The following MACROD2 variants were observed in gnomAD, a reference collection of about 807,000 sequenced individuals.
MACROD2 encodes ADP-ribose glycohydrolase MACROD2.
MACROD2 carries 36 observed loss-of-function variants against 70.4 expected under a neutral mutation model. That is an observed-to-expected ratio of 0.51 (90% CI 0.39 to 0.68). MACROD2 has a LOEUF of 0.68. Among genes scored for constraint, MACROD2 ranks in the 30% least tolerant of loss-of-function variants. The pLI is 0.00. For missense variants in MACROD2, 496 were observed against 538.4 expected (o/e 0.92, Z 0.78); for synonymous variants, 172 against 178.8 (o/e 0.96, Z 0.30).
At position 15,371,221 on chromosome 20, in the gene MACROD2, G is replaced by T. The variant is rs187511111; in HGVS notation, c.541-60184G>T. 5.6e-3 allele frequency among the ~76,000 whole-genome samples: 851 copies of T among 152,228 alleles called. 9 individuals are homozygous for T. Among genetic ancestry groups the T allele is most frequent in the African/African-American group, 0.019 (795 of 41,568 alleles). ...TTGGAAACCTGAGCAGAATAAGATA[G>T]TTTGATGATTGGCTGGGCTCTTCAT... On this transcript the variant is annotated intron_variant, in intron 6 of 17. Coordinates refer to ENST00000684519, the MANE Select transcript of MACROD2 (RefSeq NM_001351661.2).
chr20:15,777,696 G>C (rs1012053405), intron 8 of MACROD2, among the ~76,000 whole-genome samples: 6 of 148,110 alleles, frequency 4.1e-5, no homozygotes, highest in Admixed American at 3.4e-4. Flanking sequence ...CCAGACTGGA[G>C]TGCAGTGGCA....
At chr20:15,526,689 A>G (rs1369736605) in intron 8 of MACROD2, among the ~76,000 whole-genome samples, 3 of 152,244 alleles carry the variant, frequency 2.0e-5, no homozygotes, top group Non-Finnish European at 1.5e-5. Flanking sequence ...TTAGCCAGCA[A>G]CACATAGTTA....
chr20:14,365,021 T>G (rs1249468763), intron 3 of MACROD2, among the ~76,000 whole-genome samples: 1 of 152,194 alleles, frequency 6.6e-6, no homozygotes, highest in Non-Finnish European at 1.5e-5. Context: ...TGCTGTTTCT[T>G]GAAAGAGGTT....
At chr20:15,653,876 G>C (rs768385522) in intron 8 of MACROD2, among the ~76,000 whole-genome samples, 63 of 152,122 alleles carry the variant, frequency 4.1e-4, no homozygotes, top group Non-Finnish European at 6.6e-4. Context: ...TGAGAATTAG[G>C]GGCTGGAATT....
chr20:15,837,947 G>C (rs1459923043), intron 8 of MACROD2, among the ~76,000 whole-genome samples: 1 of 152,148 alleles, frequency 6.6e-6, no homozygotes, highest in African/African-American at 2.4e-5. Flanking sequence ...AAAATCATCA[G>C]CCAGCGAACT....
intron 3 of MACROD2, among the ~76,000 whole-genome samples, chr20:14,309,069 T>C (rs1429880947): frequency 6.6e-6 from 1 of 152,168 alleles, no homozygotes; most frequent in Non-Finnish European, 1.5e-5. Flanking sequence ...GAAGCTGTTA[T>C]TATCATCACT....
intron 8 of MACROD2, among the ~76,000 whole-genome samples, chr20:15,509,050 G>A (rs1413227375): frequency 6.6e-6 from 1 of 152,148 alleles, no homozygotes; most frequent in African/African-American, 2.4e-5. Flanking sequence ...TTTCAAAAGT[G>A]TATGCTTTAA....
At chr20:15,929,594 G>A (rs1601153795) in intron 10 of MACROD2, among the ~76,000 whole-genome samples, 1 of 152,170 alleles carries the variant, frequency 6.6e-6, no homozygotes, top group African/African-American at 2.4e-5. Context: ...ATACCAGCAG[G>A]AAGTACACAT....
rs1555857964 is a variant in MACROD2, at chr20:14,969,401, CAT to C, written c.419-260533_419-260532del. On this transcript the variant is annotated intron_variant, in intron 5 of 17. Transcript: ENST00000684519. The stretch of plus-strand genomic sequence containing the variant: ...ACACACACACACACACACACACACA[CAT>C]ATATAAGCATTTATTCAGCACAGAT... 5.5e-3 allele frequency among the ~76,000 whole-genome samples: 748 copies of C among 135,794 alleles called. 3 individuals carry two copies. Among genetic ancestry groups the C allele is most frequent in the Middle Eastern group, 0.017 (4 of 238 alleles). 89.1% of individuals were successfully genotyped at this position (135,794 alleles called of 152,430 possible). A position where few individuals can be genotyped will look rare whatever the true frequency, so the allele number is the denominator to read the frequency against.
intron 5 of MACROD2, among the ~76,000 whole-genome samples, chr20:15,203,574 A>G (rs1241704355): frequency 6.6e-6 from 1 of 152,126 alleles, no homozygotes; most frequent in African/African-American, 2.4e-5. Flanking sequence ...CCTTTTACTC[A>G]ATATCCAGGA....
At chr20:15,168,440 G>GGT (rs1555789084) in intron 5 of MACROD2, among the ~76,000 whole-genome samples, 45 of 105,304 alleles carry the variant, frequency 4.3e-4, no homozygotes, top group Non-Finnish European at 6.9e-4. Flanking sequence ...CACATTGTGG[G>GGT]ATGTGTGTGT....
At chr20:14,962,938 G>T (rs985044117) in intron 5 of MACROD2, among the ~76,000 whole-genome samples, 1 of 152,122 alleles carries the variant, frequency 6.6e-6, no homozygotes, top group Non-Finnish European at 1.5e-5. Context: ...ATTTGAGTTG[G>T]TTGGAGAATA....
chr20:15,514,667 C>T (rs2047543587), intron 8 of MACROD2, among the ~76,000 whole-genome samples: 1 of 152,172 alleles, frequency 6.6e-6, no homozygotes, highest in Non-Finnish European at 1.5e-5. Context: ...GAAAAATAAT[C>T]ACAGGCATTG....
intron 3 of MACROD2, among the ~76,000 whole-genome samples, chr20:14,156,996 C>G (rs1026806130): frequency 1.3e-5 from 2 of 152,182 alleles, no homozygotes; most frequent in African/African-American, 4.8e-5. Flanking sequence ...AGTGATCCAA[C>G]TCTTCTAGCT....
At chr20:14,144,778 C>A (rs1432631144) in intron 3 of MACROD2, among the ~76,000 whole-genome samples, 2 of 152,106 alleles carry the variant, frequency 1.3e-5, no homozygotes, top group Non-Finnish European at 2.9e-5. Flanking sequence ...TGGGGAGAGA[C>A]TACACTGGTA....
chr20:14,097,290 A>C (rs1339473836), intron 3 of MACROD2, among the ~76,000 whole-genome samples: 1 of 152,232 alleles, frequency 6.6e-6, no homozygotes, highest in Non-Finnish European at 1.5e-5. Context: ...TTTATGGTTC[A>C]GTATGTCATT....
At chr20:14,270,373 C>T (rs531036620) in intron 3 of MACROD2, among the ~76,000 whole-genome samples, 283 of 152,166 alleles carry the variant, frequency 1.9e-3, no homozygotes, top group Non-Finnish European at 2.8e-3. Context: ...GGGCGGATCA[C>T]GAGGTCAGGA....
chr20:15,006,139 A>ATATG (rs1327206200), intron 5 of MACROD2, among the ~76,000 whole-genome samples: 1 of 95,020 alleles, frequency 1.1e-5, no homozygotes, highest in Non-Finnish European at 2.3e-5. Context: ...TTATATATAT[A>ATATG]TATGTGTGTG....
chr20:14,933,880 A>G (rs1276351344), intron 5 of MACROD2: 1 of 152,214 alleles, frequency 6.6e-6, no homozygotes, highest in Non-Finnish European at 1.5e-5. Context: ...TATTTATTTA[A>G]AACATACTTA....
Sources: gnomAD v4.1 joint callset for allele counts (sites outside exome capture counted in the v4.1 genomes callset) on GRCh38, gnomAD v4.1.1 for gene constraint, MANE v1.5 for transcripts, NCBI Gene and HGNC (gene_info 2026-07-23, HGNC 2026-07-21) for gene names.